STMND1: variants seen among roughly 807,000 people sequenced by gnomAD.
STMND1 encodes stathmin domain-containing protein 1.
STMND1 carries 17 observed loss-of-function variants against 23.0 expected under a neutral mutation model. The observed-to-expected ratio is 0.74, with a 90% CI of 0.51 to 1.11. The LOEUF is 1.11. Among genes scored for constraint, STMND1 ranks in the 50% least tolerant of loss-of-function variants. The probability of loss-of-function intolerance (pLI) is 0.00; values close to 1 mark genes in which losing one functional copy is unlikely to be tolerated. For missense variants in STMND1, 305 were observed against 329.1 expected, an observed-to-expected ratio of 0.93 and a Z score of 0.57; for synonymous variants, 114 against 119.9, an observed-to-expected ratio of 0.95 and a Z score of 0.32.
chr6:17,104,115 T>C (rs1581364179), intron 1 of STMND1, among the ~76,000 whole-genome samples: 1 of 152,136 alleles, frequency 6.6e-6, no homozygotes, highest in African/African-American at 2.4e-5. Flanking sequence ...CTTCCAGGCA[T>C]CTCACACCTC....
At chr6:17,108,755 G>A (rs1387359985) in intron 1 of STMND1, among the ~76,000 whole-genome samples, 1 of 147,404 alleles carries the variant, frequency 6.8e-6, no homozygotes, top group East Asian at 2.0e-4. Context: ...GGAGTGCAGT[G>A]GTGTAATCTC....
At chr6:17,125,990 G>T (rs1481616994) in intron 3 of STMND1, among the ~76,000 whole-genome samples, 3 of 115,674 alleles carry the variant, frequency 2.6e-5, no homozygotes, top group African/African-American at 1.0e-4. Context: ...ATGTGTTGTT[G>T]TTTCCACTGG....
chr6:17,115,534 T>C (rs188864130), intron 2 of STMND1, among the ~76,000 whole-genome samples: 8 of 152,276 alleles, frequency 5.3e-5, no homozygotes, highest in African/African-American at 1.9e-4. Flanking sequence ...AAACCTACAA[T>C]AAACTGTTTT....
chr6:17,115,648 T>A (rs779717863), intron 2 of STMND1, among the ~76,000 whole-genome samples: 11 of 152,222 alleles, frequency 7.2e-5, no homozygotes, highest in Non-Finnish European at 1.3e-4. Context: ...TAGAAACTAT[T>A]TGTGGGTTTT....
chr6:17,126,037 TA>T (rs1399651755), intron 3 of STMND1, among the ~76,000 whole-genome samples: 7 of 25,914 alleles, frequency 2.7e-4, no homozygotes, highest in South Asian at 3.0e-3. Flanking sequence ...CATTGTTTTA[TA>T]TATATATATA....
intron 1 of STMND1, among the ~76,000 whole-genome samples, chr6:17,111,865 G>T (rs1761100820): frequency 6.6e-6 from 1 of 152,148 alleles, no homozygotes; most frequent in Admixed American, 6.5e-5. Context: ...GCCCTTCTGT[G>T]TCCTCACATG....
intron 2 of STMND1, among the ~76,000 whole-genome samples, chr6:17,115,372 T>TAAAAAAAAAAAAAAAAAAAAAAAAAA (rs75171969): frequency 8.6e-6 from 1 of 116,102 alleles, no homozygotes. Flanking sequence ...GGACCATCTT[T>TAAAAAAAAAAAAAAAAAAAAAAAAAA]AAAAAAAAAA....
chr6:17,116,292 C>T (rs949564626), intron 2 of STMND1, among the ~76,000 whole-genome samples: 4 of 152,132 alleles, frequency 2.6e-5, no homozygotes, highest in Non-Finnish European at 4.4e-5. Context: ...TAAAATGCAG[C>T]GTCAAGGAGT....
chr6:17,108,994 T>G (rs1413240711), intron 1 of STMND1, among the ~76,000 whole-genome samples: 1 of 152,150 alleles, frequency 6.6e-6, no homozygotes, highest in Non-Finnish European at 1.5e-5. Flanking sequence ...TATATACATA[T>G]AAAACACACA....
At chr6:17,119,674 C>T (rs1159468750) in intron 2 of STMND1, among the ~76,000 whole-genome samples, 1 of 149,414 alleles carries the variant, frequency 6.7e-6, no homozygotes, top group Non-Finnish European at 1.5e-5. Flanking sequence ...CACTCCAGCC[C>T]GAGTGACAAG....
intron 1 of STMND1, among the ~76,000 whole-genome samples, chr6:17,102,862 GAGAT>G (rs1258498546): frequency 6.6e-6 from 1 of 152,220 alleles, no homozygotes; most frequent in Non-Finnish European, 1.5e-5. Flanking sequence ...GAGGCCCAGA[GAGAT>G]AGGCGACTTG....
intron 1 of STMND1, 35 bp from the exon 2 acceptor site, chr6:17,114,927 A>G (rs1761137502): frequency 2.0e-6 from 3 of 1,486,318 alleles, no homozygotes; most frequent in Non-Finnish European, 2.7e-6. Flanking sequence ...TTACCAAGAA[A>G]TCTTGACTCT....
intron 1 of STMND1, among the ~76,000 whole-genome samples, chr6:17,104,585 C>T (rs368313020): frequency 2.0e-5 from 3 of 152,110 alleles, no homozygotes; most frequent in African/African-American, 7.2e-5. Flanking sequence ...TATCACTTCT[C>T]GCTTGGATTT....
chr6:17,102,646 A>T (rs1760958931), intron 1 of STMND1, among the ~76,000 whole-genome samples: 1 of 152,210 alleles, frequency 6.6e-6, no homozygotes, highest in African/African-American at 2.4e-5. Flanking sequence ...GTCACACCCC[A>T]GGGCACAGGC....
At chr6:17,126,485 C>T (rs1761308621) in intron 3 of STMND1, among the ~76,000 whole-genome samples, 1 of 152,066 alleles carries the variant, frequency 6.6e-6, no homozygotes, top group South Asian at 2.1e-4. Context: ...GGTTCAGGCT[C>T]CTATGTATAG....
intron 2 of STMND1, 99 bp downstream of exon 2, chr6:17,115,238 T>C: frequency 8.3e-7 from 1 of 1,202,558 alleles, no homozygotes; most frequent in Non-Finnish European, 1.1e-6. Context: ...ATCATTGCTT[T>C]CTGGGCCATG....
chr6:17,102,139 G>C lies in STMND1; in HGVS notation c.-119G>C. On this transcript the variant is annotated 5_prime_UTR_variant, in exon 1 of 5. Transcript: ENST00000536551. ...AGGCGGGTGGCGCCCGAGCGCAGTA[G>C]CAGGGGCGTAGGGCGCAGGGCGCAG... 1 of 1,016,310 alleles carries C rather than the reference G, an allele frequency of 9.8e-7. No homozygotes were observed. Among genetic ancestry groups the C allele is most frequent in the Non-Finnish European group, 1.3e-6 (1 of 763,388 alleles). 63.0% of individuals were successfully genotyped at this position (1,016,310 alleles called of 1,614,324 possible). A position where few individuals can be genotyped will look rare whatever the true frequency, so the allele number is the denominator to read the frequency against.
Position 17,130,909 on chromosome 6 carries a change from G to T in STMND1, c.*28G>T. The T allele has an allele frequency of 2.0e-6, 3 of 1,480,674 alleles. No homozygotes were observed. Among genetic ancestry groups the T allele is most frequent in the Non-Finnish European group, 2.7e-6 (3 of 1,115,918 alleles). The allele number at this position is 1,480,674 out of a possible 1,614,324, so 91.7% of individuals were successfully genotyped here. The stretch of plus-strand genomic sequence containing the variant: ...CATTTTTTGTGAATTTCATAAGAAA[G>T]CATTCATTCTCCCCATTTGTGACAT... On this transcript the variant is annotated 3_prime_UTR_variant, in exon 5 of 5. Transcript: ENST00000536551.
At chr6:17,112,239 T>G (rs1761104984) in intron 1 of STMND1, among the ~76,000 whole-genome samples, 1 of 152,202 alleles carries the variant, frequency 6.6e-6, no homozygotes. Context: ...GATTGGCTTT[T>G]TTCACTTAGC....
Sources: gnomAD v4.1 joint callset for allele counts (sites outside exome capture counted in the v4.1 genomes callset) on GRCh38, gnomAD v4.1.1 for gene constraint, MANE v1.5 for transcripts, NCBI Gene and HGNC (gene_info 2026-07-23, HGNC 2026-07-21) for gene names.